Variants in WWP1 observed in about 807,000 individuals in gnomAD.
WWP1 encodes NEDD4-like E3 ubiquitin-protein ligase WWP1.
Under a neutral mutation model 130.6 loss-of-function variants are expected in WWP1, and 49 were observed. The observed-to-expected ratio is 0.38, with a 90% CI of 0.30 to 0.48. The LOEUF (loss-of-function observed/expected upper bound fraction) is 0.48. Among genes scored for constraint, WWP1 ranks in the 20% least tolerant of loss-of-function variants. The probability of loss-of-function intolerance (pLI) is 0.99; values close to 1 mark genes in which losing one functional copy is unlikely to be tolerated. For synonymous variants in WWP1, 332 were observed against 367.8 expected (o/e 0.90, Z 1.11); for missense variants, 809 against 1,100.6 (o/e 0.74, Z 3.75).
In WWP1 at chr8:86,442,798, A is replaced by G; in HGVS notation, c.1998+20A>G. 2 of 1,568,072 alleles carry G rather than the reference A, an allele frequency of 1.3e-6. No individual in the cohort carries two copies. The highest frequency in any genetic ancestry group is 1.7e-6 in the Non-Finnish European group (2 of 1,163,782). On this transcript the variant is annotated intron_variant, in intron 18 of 24. Coordinates refer to ENST00000517970, the MANE Select transcript of WWP1 (RefSeq NM_007013.4). ...GCCATGGTGAGTTCCTGACTTTATT[A>G]TTATTTATTTAAGTTTGTTACAAAT...
Position 86,448,153 on chromosome 8 carries a change from A to G in WWP1, c.2004A>G (p.Leu668=), listed in dbSNP as rs1810986268. The G allele has an allele frequency of 5.1e-6, 8 of 1,553,652 alleles. No individual in the cohort carries two copies. The highest frequency in any genetic ancestry group is 6.9e-6 in the Non-Finnish European group (8 of 1,163,816). ...CFIGRFIAMA[L]FHGKFIDTGF... is the part of the protein sequence containing the mutation. ...TTTTTCATTTTTCTTTGCAGGCACT[A>G]TTTCATGGAAAGTTTATCGATACTG... The change falls in exon 19 of 25, where the codon CTA becomes CTG. Residue 668 remains leucine, a synonymous_variant. Coordinates refer to ENST00000517970, the MANE Select transcript of WWP1 (RefSeq NM_007013.4).
At position 86,381,618 on chromosome 8, in the gene WWP1, A is replaced by C. The variant is rs1321169672; in HGVS notation, c.323A>C (p.His108Pro). 6.3e-7 allele frequency: 1 copy of C among 1,583,992 alleles called. No homozygotes were observed. Among genetic ancestry groups the C allele is most frequent in the Non-Finnish European group, 8.5e-7 (1 of 1,171,576 alleles). The change falls in exon 5 of 25, where the codon CAC becomes CCC. Residue 108 changes from histidine to proline, a missense_variant. By Grantham distance (77) the His-to-Pro change is moderately conservative. Around this residue, in one of 3 missense-constraint regions of WWP1, gnomAD observed 262 missense variants for 346.0 expected, o/e 0.76. Transcript: ENST00000517970. The stretch of plus-strand genomic sequence containing the variant: ...GATTTGAAACAAGCTCTGTTGATAC[A>C]CAATAGAAAATGTAAGTTTTTTGTT... ...TIDLKQALLI[H>P]NRKLERVKEQ...
intron 1 of WWP1, among the ~76,000 whole-genome samples, chr8:86,360,623 T>C (rs1323299940): frequency 1.3e-5 from 2 of 152,236 alleles, no homozygotes; most frequent in African/African-American, 2.4e-5. Context: ...CTCTTTGCTG[T>C]GCTGTGTCTC....
chr8:86,441,467 A>G (rs1282308456), intron 17 of WWP1, among the ~76,000 whole-genome samples: 1 of 152,270 alleles, frequency 6.6e-6, no homozygotes, highest in Non-Finnish European at 1.5e-5. Flanking sequence ...TGTAGCCTAC[A>G]TAGAGGTGGC....
intron 9 of WWP1, among the ~76,000 whole-genome samples, chr8:86,418,503 G>A (rs946180585): frequency 6.6e-5 from 10 of 152,100 alleles, no homozygotes; most frequent in African/African-American, 2.4e-4. Context: ...ATGGTTAAGT[G>A]CACCTCACTT....
At chr8:86,349,451 C>T (rs1822790071) in intron 1 of WWP1, among the ~76,000 whole-genome samples, 1 of 152,100 alleles carries the variant, frequency 6.6e-6, no homozygotes, top group South Asian at 2.1e-4. Context: ...TTTGGGGCCA[C>T]CCATGTAACA....
At chr8:86,450,153 A>C (rs571646008) in intron 20 of WWP1, among the ~76,000 whole-genome samples, 3 of 152,098 alleles carry the variant, frequency 2.0e-5, no homozygotes, top group African/African-American at 7.2e-5. Flanking sequence ...TGGCCTTTCA[A>C]ATTTACCCCC....
At chr8:86,380,385 G>A (rs913683543) in intron 3 of WWP1, among the ~76,000 whole-genome samples, 1 of 152,024 alleles carries the variant, frequency 6.6e-6, no homozygotes, top group African/African-American at 2.4e-5. Context: ...AAAGAAGGGG[G>A]TGACTGCTTA....
intron 22 of WWP1, among the ~76,000 whole-genome samples, chr8:86,460,842 C>T (rs1811727151): frequency 1.8e-5 from 2 of 113,864 alleles, no homozygotes; most frequent in Admixed American, 1.1e-4. Flanking sequence ...CAGAGTCTTG[C>T]TCTGTCGCCC....
chr8:86,443,099 A>G (rs1810678518), intron 18 of WWP1, among the ~76,000 whole-genome samples: 1 of 152,088 alleles, frequency 6.6e-6, no homozygotes, highest in Non-Finnish European at 1.5e-5. Flanking sequence ...TTGAGAAAGG[A>G]TCACAGTCTG....
rs974237570 is a variant in WWP1 at position 86,452,806 on chromosome 8, C to T, written c.2394+127C>T. ...CACAATCTTGAATCCTCTCATTTGT[C>T]CTGATGTCAAGGTGGTATTTATTCT... On this transcript the variant is annotated intron_variant, in intron 21 of 24. Transcript: ENST00000517970. 1.2e-5 allele frequency: 14 copies of T among 1,201,508 alleles called. No homozygotes were observed. In the Admixed American group the frequency reaches 1.9e-4, roughly 16 times the overall value. The allele number at this position is 1,201,508 out of a possible 1,614,324, so 74.4% of individuals were successfully genotyped here.
chr8:86,390,314 A>G (rs368493767), intron 5 of WWP1, among the ~76,000 whole-genome samples: 2 of 152,178 alleles, frequency 1.3e-5, no homozygotes, highest in African/African-American at 4.8e-5. Context: ...ACAGGCTGCA[A>G]TCTCGGCACT....
rs751919157 is a variant in WWP1, at chr8:86,422,229, A to G, written c.1062-2994A>G. Among the ~76,000 whole-genome samples, 81 of 152,152 alleles carry G rather than the reference A, an allele frequency of 5.3e-4. 1 individual carries two copies. Among genetic ancestry groups the G allele is most frequent in the South Asian group, 1.2e-3 (6 of 4,826 alleles). ...TCGCTTCCGAAACACTGCCTTCTCG[A>G]GTTCTTGTGTTTAAGAAAAAGGAAA... is the stretch of plus-strand genomic sequence containing the variant. On this transcript the variant is annotated intron_variant, in intron 9 of 24. Coordinates refer to ENST00000517970, the MANE Select transcript of WWP1 (RefSeq NM_007013.4).
At chr8:86,458,072 T>C in intron 22 of WWP1, 47 bp downstream of exon 22, 1 of 1,473,224 alleles carries the variant, frequency 6.8e-7, no homozygotes, top group Non-Finnish European at 9.4e-7. Context: ...ACATATTTTC[T>C]AATGAAATGG....
At chr8:86,422,781 T>C (rs1418289104) in intron 9 of WWP1, among the ~76,000 whole-genome samples, 1 of 152,084 alleles carries the variant, frequency 6.6e-6, no homozygotes, top group East Asian at 1.9e-4. Context: ...AACAAGAGAT[T>C]GAGAGTCTTC....
intron 7 of WWP1, among the ~76,000 whole-genome samples, chr8:86,400,711 G>A (rs1037700730): frequency 6.6e-6 from 1 of 152,162 alleles, no homozygotes; most frequent in Admixed American, 6.5e-5. Flanking sequence ...ATAATAATTT[G>A]TAATAAACAT....
intron 5 of WWP1, among the ~76,000 whole-genome samples, chr8:86,398,131 T>G (rs1258006108): frequency 2.6e-5 from 4 of 152,190 alleles, no homozygotes; most frequent in Non-Finnish European, 5.9e-5. Context: ...TCTCCAAAAT[T>G]TATAATATGC....
At chr8:86,465,571 C>T (rs13279850) in intron 24 of WWP1, among the ~76,000 whole-genome samples, 42,979 of 151,900 alleles carry the variant, frequency 0.28, 6,780 homozygotes, top group East Asian at 0.54. Flanking sequence ...AGGTCGAGGT[C>T]GCAGTGAGCC....
At chr8:86,406,150 A>G (rs1225696026) in intron 8 of WWP1, among the ~76,000 whole-genome samples, 7 of 152,156 alleles carry the variant, frequency 4.6e-5, no homozygotes, top group African/African-American at 1.4e-4. Flanking sequence ...TCTCAGCTCA[A>G]CCACTTGCCA....
Sources: gnomAD v4.1 joint callset for allele counts (sites outside exome capture counted in the v4.1 genomes callset) on GRCh38, gnomAD v4.1.1 for gene constraint, gnomAD v4.1.1 regional missense constraint, MANE v1.5 for transcripts, NCBI Gene and HGNC (gene_info 2026-07-23, HGNC 2026-07-21) for gene names.